MYH14: variants seen among roughly 807,000 people sequenced by gnomAD.
The protein encoded by MYH14 is myosin-14.
MYH14 carries 123 observed loss-of-function variants against 255.5 expected under a neutral mutation model. The ratio of observed to expected loss-of-function variants is 0.48; its 90% CI spans 0.42 to 0.56. MYH14 has a LOEUF of 0.56. Ranked by LOEUF, MYH14 falls within the 20% of genes least tolerant of loss-of-function variation. MYH14 has a pLI of 0.00. For synonymous variants in MYH14, 1,095 were observed against 1,161.2 expected (o/e 0.94, Z 1.16); for missense variants, 2,423 against 2,802.3 (o/e 0.86, Z 3.06).
intron 10 of MYH14, among the ~76,000 whole-genome samples, chr19:50,238,539 C>G (rs1209713092): frequency 2.6e-5 from 4 of 152,148 alleles, no homozygotes; most frequent in African/African-American, 9.7e-5. Context: ...CCAACCTCCA[C>G]CTCCCTGGTT....
In MYH14 at chr19:50,268,150, A is replaced by C; in HGVS notation, c.2827-11A>C. 1 of 1,540,048 alleles carries C rather than the reference A, an allele frequency of 6.5e-7. No homozygotes were observed. Among genetic ancestry groups the C allele is most frequent in the Non-Finnish European group, 8.7e-7 (1 of 1,144,894 alleles). Reference sequence around the variant, plus strand: ...TGCCTGCTGACCACTAACCTCCCACACACTCCCCAGCTGGAAGAGGAGCGC... The same window carrying C: ...TGCCTGCTGACCACTAACCTCCCACCCACTCCCCAGCTGGAAGAGGAGCGC... On this transcript the variant is annotated splice_polypyrimidine_tract_variant and intron_variant, in intron 23 of 42. Coordinates refer to ENST00000642316, the MANE Select transcript of MYH14 (RefSeq NM_001145809.2).
intron 6 of MYH14, among the ~76,000 whole-genome samples, chr19:50,225,120 C>T (rs1412533963): frequency 6.6e-6 from 1 of 152,186 alleles, no homozygotes; most frequent in Non-Finnish European, 1.5e-5. Context: ...ATTGTAACAA[C>T]AACAAATCAG....
At chr19:50,249,472 G>T (rs1033743872) in intron 13 of MYH14, 178 bp from the exon 14 acceptor site, 23 of 703,020 alleles carry the variant, frequency 3.3e-5, no homozygotes, top group Non-Finnish European at 4.8e-5. Context: ...CCCTGTCTCT[G>T]GCTCTGTCCC....
At position 50,230,983 on chromosome 19, in the gene MYH14, G is replaced by A; in HGVS notation, c.973+360G>A. The A allele has an allele frequency of 2.8e-5, 8 of 281,564 alleles. No homozygotes were observed. The South Asian group carries it at 3.4e-4, about 12-fold the overall frequency. The allele number at this position is 281,564 out of a possible 1,614,324, so 17.4% of individuals were successfully genotyped here. On this transcript the variant is annotated intron_variant, in intron 9 of 42. Transcript: ENST00000642316. The surrounding 1 kb of genome is among the most constrained non-coding windows in gnomAD (Gnocchi z 4.7). Reference sequence around the variant, plus strand: ...CTCCGGCTTTGCTGAGGCTCCTCCTGGTTCCTGACGACGCTGGTTTGTGTT... The same window carrying A: ...CTCCGGCTTTGCTGAGGCTCCTCCTAGTTCCTGACGACGCTGGTTTGTGTT...
intron 40 of MYH14, among the ~76,000 whole-genome samples, chr19:50,306,305 CA>C (rs2036652921): frequency 6.6e-6 from 1 of 152,188 alleles, no homozygotes; most frequent in Non-Finnish European, 1.5e-5. Context: ...CTCTCTCCTT[CA>C]TCCTTTTCCA....
At chr19:50,210,095 T>TAA (rs1346039043) in intron 1 of MYH14, among the ~76,000 whole-genome samples, 1 of 57,800 alleles carries the variant, frequency 1.7e-5, no homozygotes, top group Non-Finnish European at 2.7e-5. Context: ...AGACTCCGTC[T>TAA]CAAAAAAAAA....
At chr19:50,213,540 A>ACCC (rs1364001232) in intron 2 of MYH14, among the ~76,000 whole-genome samples, 2 of 152,174 alleles carry the variant, frequency 1.3e-5, no homozygotes, top group Non-Finnish European at 2.9e-5. Context: ...GGGGCCTAAG[A>ACCC]AATGAATGTG....
At chr19:50,247,713 G>A (rs981245488) in intron 12 of MYH14, among the ~76,000 whole-genome samples, 2 of 151,926 alleles carry the variant, frequency 1.3e-5, no homozygotes, top group East Asian at 1.9e-4. Context: ...CGAGGCAGAC[G>A]GAACCGCAAG....
At chr19:50,288,760 G>T (rs1258650960) in intron 34 of MYH14, among the ~76,000 whole-genome samples, 1 of 152,170 alleles carries the variant, frequency 6.6e-6, no homozygotes, top group Non-Finnish European at 1.5e-5. Flanking sequence ...TGTGACTAGG[G>T]CTAGGTAGGA....
chr19:50,232,437 C>CA (rs35443967), intron 10 of MYH14, among the ~76,000 whole-genome samples: 87,889 of 151,248 alleles, frequency 0.58, 26,264 homozygotes, highest in Middle Eastern at 0.69. Flanking sequence ...ACTGAAAATA[C>CA]AAAAAAGTTA....
At chr19:50,244,384 G>GAGGGCTGGGCACCACC in intron 11 of MYH14, 47 bp downstream of exon 11, 1 of 1,532,574 alleles carries the variant, frequency 6.5e-7, no homozygotes, top group Non-Finnish European at 9.0e-7. Context: ...CCCCGCCCAG[G>GAGGGCTGGGCACCACC]TGGTGCCCAG....
At chr19:50,213,765 C>T (rs888677731) in intron 2 of MYH14, among the ~76,000 whole-genome samples, 1 of 152,188 alleles carries the variant, frequency 6.6e-6, no homozygotes. Context: ...ATTTGCCCAA[C>T]AGAAGCTGAT....
intron 15 of MYH14, among the ~76,000 whole-genome samples, chr19:50,251,600 C>T (rs1178218899): frequency 6.7e-6 from 1 of 148,898 alleles, no homozygotes; most frequent in Admixed American, 6.8e-5. Context: ...TTATTTGAGA[C>T]AGAGTCTCCC....
At chr19:50,213,215 C>T (rs1420669471) in intron 2 of MYH14, among the ~76,000 whole-genome samples, 1 of 152,160 alleles carries the variant, frequency 6.6e-6, no homozygotes, top group African/African-American at 2.4e-5. Flanking sequence ...TCTCAAAGTG[C>T]TGGGATTACA....
In MYH14 at chr19:50,275,986, C is replaced by A; in HGVS notation, c.3468-5C>A. On this transcript the variant is annotated splice_region_variant and splice_polypyrimidine_tract_variant and intron_variant, in intron 27 of 42. Coordinates refer to ENST00000642316, the MANE Select transcript of MYH14 (RefSeq NM_001145809.2). ...TATCAACTCCACGGTTCTTGTCACC[C>A]CCAGGGCAGAAGACGAGGGTGGGGC... is the stretch of plus-strand genomic sequence containing the variant. 1 of 1,610,976 alleles carries A rather than the reference C, an allele frequency of 6.2e-7. No homozygotes were observed. The highest frequency in any genetic ancestry group is 1.1e-5 in the South Asian group (1 of 90,632).
Position 50,276,629 on chromosome 19 carries a change from C to T in MYH14, c.3681-128C>T. Reference sequence around the variant, plus strand: ...TTCCACAGCATCACCACCCAGATCTCCTGAGGAGCATAACATGAGGCCCTC... The same window carrying T: ...TTCCACAGCATCACCACCCAGATCTTCTGAGGAGCATAACATGAGGCCCTC... On this transcript the variant is annotated intron_variant, in intron 28 of 42. Coordinates refer to ENST00000642316, the MANE Select transcript of MYH14 (RefSeq NM_001145809.2). This position sits in a 1 kb window ranked among gnomAD's most constrained non-coding sequence, Gnocchi z 4.3. The T allele has an allele frequency of 8.2e-7, 1 of 1,213,118 alleles. No individual in the cohort carries two copies. Among genetic ancestry groups the T allele is most frequent in the Non-Finnish European group, 1.2e-6 (1 of 841,628 alleles). The allele number at this position is 1,213,118 out of a possible 1,614,324, so 75.1% of individuals were successfully genotyped here. A position where few individuals can be genotyped will look rare whatever the true frequency, so the allele number is the denominator to read the frequency against.
At chr19:50,309,433 C>G (rs2036769867) in intron 42 of MYH14, 2 of 617,472 alleles carry the variant, frequency 3.2e-6, no homozygotes, top group Admixed American at 2.7e-5. Context: ...TTCCTCCTCT[C>G]TGTGTGTCCT....
At chr19:50,285,829 T>G (rs1046376951) in intron 33 of MYH14, 1 of 152,270 alleles carries the variant, frequency 6.6e-6, no homozygotes, top group Non-Finnish European at 1.5e-5. Flanking sequence ...TAATTTATAT[T>G]GACCTGCTTT....
At position 50,231,977 on chromosome 19, in the gene MYH14, G is replaced by A. The variant is rs558087419; in HGVS notation, c.1021G>A (p.Gly341Arg). Residue 341 changes from glycine (G) to arginine (R), a missense_variant, in exon 10 of 43, where the codon GGG becomes AGG. Gly to Arg is a moderately radical substitution (Grantham distance 125). This residue lies in a region of MYH14 where 672 missense variants were observed against 881.8 expected (regional missense o/e 0.76). Coordinates refer to ENST00000642316, the MANE Select transcript of MYH14 (RefSeq NM_001145809.2). ...CTCCCACTACCGGTTCCTGACCAACGGGCCGTCATCCTCTCCCGGCCAGGA... is the reference window on the plus strand; with the variant it reads ...CTCCCACTACCGGTTCCTGACCAACAGGCCGTCATCCTCTCCCGGCCAGGA... ...PCSHYRFLTN[G>R]PSSSPGQERE... is the part of the protein sequence containing the mutation. The A allele has an allele frequency of 4.1e-5, 66 of 1,613,898 alleles. No individual in the cohort carries two copies. Among genetic ancestry groups the A allele is most frequent in the South Asian group, 3.4e-4 (31 of 91,086 alleles).
Sources: gnomAD v4.1 joint callset for allele counts (sites outside exome capture counted in the v4.1 genomes callset) on GRCh38, gnomAD v4.1.1 for gene constraint, gnomAD v4.1.1 regional missense constraint, Gnocchi (gnomAD v3.1) non-coding constraint, MANE v1.5 for transcripts, NCBI Gene and HGNC (gene_info 2026-07-23, HGNC 2026-07-21) for gene names.